CAPS2: variants seen among roughly 807,000 people sequenced by gnomAD.
The protein encoded by CAPS2 is calcyphosin-2.
In CAPS2, 98 loss-of-function variants were observed where a neutral mutation model predicts 86.5. That is an observed-to-expected ratio of 1.13 (90% CI 0.96 to 1.34). The LOEUF is 1.34. CAPS2 is among the 40% of genes most tolerant of loss of function. The pLI is 0.00. For synonymous variants in CAPS2, 210 were observed against 225.1 expected, an observed-to-expected ratio of 0.93 and a Z score of 0.60; for missense variants, 729 against 686.8, an observed-to-expected ratio of 1.06 and a Z score of -0.69.
chr12:75,304,110 G>C (rs771786965), intron 8 of CAPS2, among the ~76,000 whole-genome samples: 2 of 152,106 alleles, frequency 1.3e-5, no homozygotes, highest in Non-Finnish European at 2.9e-5. Context: ...GCAGCAATAG[G>C]AAACTAACAC....
At chr12:75,382,135 C>T (rs1185267663) in intron 1 of CAPS2, among the ~76,000 whole-genome samples, 1 of 151,602 alleles carries the variant, frequency 6.6e-6, no homozygotes, top group African/African-American at 2.4e-5. Flanking sequence ...AAAGATCAAT[C>T]GAGTATGTAA....
chr12:75,319,611 G>A (rs113718023), intron 5 of CAPS2, among the ~76,000 whole-genome samples: 1,611 of 152,086 alleles, frequency 0.011, 20 homozygotes, highest in African/African-American at 0.031. Flanking sequence ...CAAAATGAAC[G>A]AAGACAAGAA....
intron 1 of CAPS2, chr12:75,362,954 A>T (rs2043708579): frequency 6.0e-6 from 3 of 500,904 alleles, no homozygotes; most frequent in Middle Eastern, 5.4e-4. Flanking sequence ...ATTTTAACAA[A>T]AGAAATGAAA....
upstream of CAPS2, chr12:75,334,954 T>C: frequency 6.6e-7 from 1 of 1,519,750 alleles, no homozygotes; most frequent in Non-Finnish European, 9.0e-7. Context: ...TCCTGAGGTA[T>C]CTGGGTGATA....
chr12:75,308,380 C>G (rs11180458), intron 7 of CAPS2, among the ~76,000 whole-genome samples: 1 of 152,006 alleles, frequency 6.6e-6, no homozygotes, highest in African/African-American at 2.4e-5. Flanking sequence ...TGGGAAACCT[C>G]TAGAGGGTAT....
At chr12:75,390,713 T>C in intron 1 of CAPS2, 1 of 458,138 alleles carries the variant, frequency 2.2e-6, no homozygotes. Context: ...CTCAGACCTG[T>C]TACTCAGCAA....
At chr12:75,353,072 C>T (rs1399871388) in intron 1 of CAPS2, among the ~76,000 whole-genome samples, 1 of 152,006 alleles carries the variant, frequency 6.6e-6, no homozygotes, top group Admixed American at 6.5e-5. Context: ...ATCCTAACAT[C>T]ATAACTAAAG....
At chr12:75,278,906 G>A (rs774164670) in exon 17 of CAPS2, 1 of 1,581,338 alleles carries the variant, frequency 6.3e-7, no homozygotes, top group Admixed American at 1.9e-5. Flanking sequence ...CCCCCATGGA[G>A]TACGTAAGAT....
exon 17 of CAPS2, chr12:75,278,889 A>G: frequency 1.3e-6 from 2 of 1,553,602 alleles, no homozygotes; most frequent in Non-Finnish European, 1.7e-6. Flanking sequence ...ATTATTAAAG[A>G]CTAAATCCCC....
rs748673285 is a variant in CAPS2 at position 75,322,987 on chromosome 12, TG to T, written c.277del (p.His93IlefsTer2). 3.6e-5 allele frequency: 55 copies of T among 1,522,624 alleles called. No individual in the cohort carries two copies. In the African/African-American group the frequency reaches 7.4e-4, roughly 21 times the overall value. The allele number at this position is 1,522,624 out of a possible 1,614,324, so 94.3% of individuals were successfully genotyped here. Reference sequence around the variant, plus strand: ...ATAAATACTAACCAATTTATTTAGATGATACTGAGTATATGGAGTTTGACAT... The same window carrying T: ...ATAAATACTAACCAATTTATTTAGATATACTGAGTATATGGAGTTTGACAT... On this transcript the variant is annotated frameshift_variant, in exon 4 of 17. Coordinates refer to ENST00000393284, the Ensembl canonical transcript of CAPS2. LOFTEE classifies it high-confidence loss of function.
chr12:75,292,353 G>T (rs1266324200), intron 12 of CAPS2, among the ~76,000 whole-genome samples: 2 of 151,810 alleles, frequency 1.3e-5, no homozygotes, highest in African/African-American at 4.8e-5. Context: ...GGAGTGAGCC[G>T]CTGCGCCTGG....
intron 8 of CAPS2, among the ~76,000 whole-genome samples, chr12:75,304,148 A>G (rs111724535): frequency 0.017 from 2,569 of 152,336 alleles, 67 homozygotes; most frequent in African/African-American, 0.052. Flanking sequence ...TTAAATGGAT[A>G]AAAGCAATGG....
At chr12:75,318,063 G>C (rs555325499) in intron 5 of CAPS2, 7 of 151,888 alleles carry the variant, frequency 4.6e-5, no homozygotes, top group Non-Finnish European at 8.8e-5. Flanking sequence ...AACTATTTTA[G>C]AGTCCACATA....
At chr12:75,353,010 A>G (rs1163682405) in intron 1 of CAPS2, among the ~76,000 whole-genome samples, 8 of 152,136 alleles carry the variant, frequency 5.3e-5, no homozygotes, top group Admixed American at 5.2e-4. Flanking sequence ...TAAGAGGGAA[A>G]TTTATAGTGC....
At chr12:75,322,870 G>A in intron 4 of CAPS2, 1 of 619,410 alleles carries the variant, frequency 1.6e-6, no homozygotes, top group Non-Finnish European at 2.8e-6. Flanking sequence ...CTTATGGTTT[G>A]GTATTTAAAT....
intron 15 of CAPS2, among the ~76,000 whole-genome samples, chr12:75,282,618 C>A (rs1334764631): frequency 6.6e-6 from 1 of 152,080 alleles, no homozygotes; most frequent in Non-Finnish European, 1.5e-5. Flanking sequence ...AATTCCTAAC[C>A]TCAGGTGACC....
At position 75,312,823 on chromosome 12, in the gene CAPS2, T is replaced by C. The variant is rs142663157; in HGVS notation, c.659+25A>G. The C allele has an allele frequency of 5.2e-4, 669 of 1,298,222 alleles. 2 individuals are homozygous for C. The African/African-American group carries it at 7.6e-3, about 15-fold the overall frequency. 80.4% of individuals were successfully genotyped at this position (1,298,222 alleles called of 1,614,324 possible). On this transcript the variant is annotated intron_variant, in intron 7 of 16. Transcript: ENST00000393284. ...TTAATGAAAACTTTCTGAATTGATT[T>C]CTATTACCAGTTGCTAATTCTCACC...
intron 1 of CAPS2, among the ~76,000 whole-genome samples, chr12:75,325,654 T>C (rs569658120): frequency 3.3e-5 from 5 of 152,266 alleles, no homozygotes; most frequent in African/African-American, 1.2e-4. Context: ...GTTTTTTTCT[T>C]AAGGCAACCT....
At chr12:75,319,585 T>C (rs1447693271) in intron 5 of CAPS2, among the ~76,000 whole-genome samples, 1 of 152,168 alleles carries the variant, frequency 6.6e-6, no homozygotes, top group Non-Finnish European at 1.5e-5. Flanking sequence ...GCCTCGGGTA[T>C]TTCTTTATAG....
Sources: allele counts gnomAD v4.1 joint callset (sites outside exome capture counted in the v4.1 genomes callset), GRCh38; gene constraint gnomAD v4.1.1; transcripts MANE v1.5; gene names NCBI Gene and HGNC (gene_info 2026-07-23, HGNC 2026-07-21).